Variants in MBD5 observed in about 807,000 individuals in gnomAD.
The protein encoded by MBD5 is methyl-CpG-binding domain protein 5.
A neutral mutation model predicts 117.3 loss-of-function variants in MBD5; 13 were observed. The observed-to-expected ratio is 0.11, with a 90% CI of 0.07 to 0.18. MBD5 has a LOEUF of 0.18. Ranked by LOEUF, MBD5 falls within the 10% of genes least tolerant of loss-of-function variation. The pLI is 1.00. For synonymous variants in MBD5, 727 were observed against 766.4 expected (o/e 0.95, Z 0.85); for missense variants, 1,879 against 2,093.8 (o/e 0.90, Z 2.00).
At chr2:148,297,434 C>A (rs1200493097) in intron 3 of MBD5, among the ~76,000 whole-genome samples, 1 of 152,132 alleles carries the variant, frequency 6.6e-6, no homozygotes, top group Non-Finnish European at 1.5e-5. Flanking sequence ...GACAGACTCC[C>A]TTTGACTGTC....
At chr2:148,234,088 A>C (rs944963255) in intron 3 of MBD5, among the ~76,000 whole-genome samples, 6 of 152,152 alleles carry the variant, frequency 3.9e-5, no homozygotes, top group African/African-American at 7.2e-5. Flanking sequence ...GAAATTGACC[A>C]TATATATTTT....
chr2:148,131,467 G>A (rs1697046712), intron 1 of MBD5, among the ~76,000 whole-genome samples: 1 of 152,154 alleles, frequency 6.6e-6, no homozygotes, highest in South Asian at 2.1e-4. Context: ...GCCGAGGTAG[G>A]AGGATCACTT....
chr2:148,397,846 C>T (rs1197359328), intron 4 of MBD5, among the ~76,000 whole-genome samples: 1 of 150,254 alleles, frequency 6.7e-6, no homozygotes, highest in Non-Finnish European at 1.5e-5. Flanking sequence ...TGTTCCCCTT[C>T]CTGTGTCCAT....
intron 10 of MBD5, among the ~76,000 whole-genome samples, chr2:148,488,739 C>A (rs1681419235): frequency 6.6e-6 from 1 of 152,062 alleles, no homozygotes; most frequent in South Asian, 2.1e-4. Flanking sequence ...TTCTGATATG[C>A]TCCCCTGGTA....
At chr2:148,255,208 T>C (rs6746932) in intron 3 of MBD5, among the ~76,000 whole-genome samples, 45,703 of 152,090 alleles carry the variant, frequency 0.3, 7,382 homozygotes, top group South Asian at 0.43. Flanking sequence ...AGCTAACTTT[T>C]TGTCCCGGGA....
In MBD5 at chr2:148,386,545, C is replaced by T. The variant is rs1054082164; in HGVS notation, c.-557+44209C>T. Among the ~76,000 whole-genome samples the T allele has an allele frequency of 7.9e-5, 12 of 151,310 alleles. No individual in the cohort carries two copies. The South Asian group carries it at 1.7e-3, about 21-fold the overall frequency. On this transcript the variant is annotated intron_variant, in intron 4 of 13. Transcript: ENST00000642680. ...CATCCCGGCTAAAACGGTGAAACCCCGTCTCTACTAAAAATACAAAAAAAT... is the reference window on the plus strand; with the variant it reads ...CATCCCGGCTAAAACGGTGAAACCCTGTCTCTACTAAAAATACAAAAAAAT...
intron 12 of MBD5, among the ~76,000 whole-genome samples, chr2:148,504,085 G>T (rs1681952729): frequency 6.6e-6 from 1 of 152,106 alleles, no homozygotes; most frequent in Non-Finnish European, 1.5e-5. Context: ...TTTCTGAAAG[G>T]TAATGAAAAA....
At chr2:148,218,001 A>G (rs1359583014) in intron 2 of MBD5, among the ~76,000 whole-genome samples, 1 of 152,198 alleles carries the variant, frequency 6.6e-6, no homozygotes, top group Non-Finnish European at 1.5e-5. Context: ...TTGTCCATTG[A>G]TGTGTATATA....
intron 4 of MBD5, among the ~76,000 whole-genome samples, chr2:148,456,360 GC>G (rs1218869305): frequency 1.3e-5 from 2 of 152,052 alleles, no homozygotes; most frequent in Non-Finnish European, 2.9e-5. Context: ...TGATGGCTCT[GC>G]CCCCATGACC....
At chr2:148,510,028 T>G in intron 12 of MBD5, 32 bp from the exon 13 acceptor site, 1 of 1,495,660 alleles carries the variant, frequency 6.7e-7, no homozygotes. Context: ...CTTTAATTTT[T>G]TAATCTGGTG....
chr2:148,466,096 T>C (rs952895003), intron 7 of MBD5, among the ~76,000 whole-genome samples: 16 of 152,326 alleles, frequency 1.1e-4, no homozygotes, highest in African/African-American at 3.6e-4. Context: ...GCTTCAGACA[T>C]AGCATTTATT....
intron 4 of MBD5, among the ~76,000 whole-genome samples, chr2:148,439,656 T>C (rs1706259300): frequency 6.6e-6 from 1 of 151,988 alleles, no homozygotes; most frequent in South Asian, 2.1e-4. Context: ...ATCAATATTG[T>C]AAAGCCAAAC....
At chr2:148,377,991 T>G (rs1704037670) in intron 4 of MBD5, among the ~76,000 whole-genome samples, 6 of 152,170 alleles carry the variant, frequency 3.9e-5, no homozygotes. Flanking sequence ...TGAAAAAGTG[T>G]TCCCCCTTTA....
intron 3 of MBD5, among the ~76,000 whole-genome samples, chr2:148,249,999 T>C (rs1482996529): frequency 1.3e-5 from 2 of 152,180 alleles, no homozygotes; most frequent in Non-Finnish European, 2.9e-5. Context: ...TCCGCTACTT[T>C]CTTATTATGC....
intron 1 of MBD5, among the ~76,000 whole-genome samples, chr2:148,172,490 G>A (rs978477334): frequency 8.5e-5 from 13 of 152,218 alleles, no homozygotes; most frequent in African/African-American, 3.1e-4. Flanking sequence ...GGCAGAGGGT[G>A]GCTGGGGCAG....
chr2:148,255,745 C>T (rs559188872), intron 3 of MBD5, among the ~76,000 whole-genome samples: 6 of 152,338 alleles, frequency 3.9e-5, no homozygotes, highest in African/African-American at 1.4e-4. Context: ...GGAACTCCAG[C>T]CCCACAAAGA....
At chr2:148,395,715 G>A (rs1305868586) in intron 4 of MBD5, among the ~76,000 whole-genome samples, 1 of 151,974 alleles carries the variant, frequency 6.6e-6, no homozygotes, top group African/African-American at 2.4e-5. Flanking sequence ...GTGAGCCACC[G>A]TGCCTGGCCC....
At chr2:148,255,139 AACG>A (rs1227475241) in intron 3 of MBD5, among the ~76,000 whole-genome samples, 1 of 152,190 alleles carries the variant, frequency 6.6e-6, no homozygotes, top group African/African-American at 2.4e-5. Context: ...CTACGGTCAA[AACG>A]ACAGAGCAGG....
At chr2:148,433,053 T>C (rs143083620) in intron 4 of MBD5, among the ~76,000 whole-genome samples, 18 of 152,266 alleles carry the variant, frequency 1.2e-4, no homozygotes, top group Middle Eastern at 3.4e-3. Flanking sequence ...AGCAGAGTTT[T>C]GTAATTCTTG....
Sources: gnomAD v4.1 joint callset for allele counts (sites outside exome capture counted in the v4.1 genomes callset) on GRCh38, gnomAD v4.1.1 for gene constraint, MANE v1.5 for transcripts, NCBI Gene and HGNC (gene_info 2026-07-23, HGNC 2026-07-21) for gene names.